The following CRYBG3 variants were observed in gnomAD, a reference collection of about 807,000 sequenced individuals.
CRYBG3 encodes the protein crystallin beta-gamma domain containing 3, also known as very large A-kinase anchor protein.
In CRYBG3, 127 loss-of-function variants were observed where a neutral mutation model predicts 244.2. The observed-to-expected ratio is 0.52, with a 90% CI of 0.45 to 0.60. The LOEUF (loss-of-function observed/expected upper bound fraction) is 0.60, where lower values mean the gene tolerates loss of function less well. Among genes scored for constraint, CRYBG3 ranks in the 20% least tolerant of loss-of-function variants. The probability of loss-of-function intolerance (pLI) is 0.00; values close to 1 mark genes in which losing one functional copy is unlikely to be tolerated. For synonymous variants in CRYBG3, 1,132 were observed against 1,195.8 expected (o/e 0.95, Z 1.10); for missense variants, 3,325 against 3,442.5 (o/e 0.97, Z 0.85).
In CRYBG3 at chr3:97,874,565, C is replaced by G. The variant is rs561244728; in HGVS notation, c.3371C>G (p.Pro1124Arg). The G allele has an allele frequency of 5.1e-5, 79 of 1,535,696 alleles. 2 individuals are homozygous for G. The highest frequency in any genetic ancestry group is 5.1e-4 in the African/African-American group (37 of 73,122). ...TSVSIGTEVT[P>R]FQEHFGIYTG... Reference sequence around the variant, plus strand: ...GTCTCAATTGGGACAGAAGTAACCCCATTTCAGGAACATTTTGGGATTTAT... The same window carrying G: ...GTCTCAATTGGGACAGAAGTAACCCGATTTCAGGAACATTTTGGGATTTAT... Residue 1124 changes from proline to arginine, a missense_variant, in exon 4 of 22, where the codon CCA (proline) becomes CGA (arginine). Pro to Arg is a moderately radical substitution (Grantham distance 103). This residue lies in a region of CRYBG3 where 1,526 missense variants were observed against 1,443.2 expected (regional missense o/e 1.06). Transcript: ENST00000389622.
At chr3:97,943,198 A>G in intron 21 of CRYBG3, 28 bp from the exon 22 acceptor site, 1 of 1,330,432 alleles carries the variant, frequency 7.5e-7, no homozygotes. Flanking sequence ...TGAACAAATA[A>G]TCTTTTCTTT....
rs1024323943 is a variant in CRYBG3 at position 97,874,343 on chromosome 3, T to A, written c.3149T>A (p.Ile1050Asn). The A allele has an allele frequency of 2.8e-5, 43 of 1,526,448 alleles. 1 individual carries two copies. Among genetic ancestry groups the A allele is most frequent in the Non-Finnish European group, 3.6e-5 (41 of 1,144,254 alleles). The allele number at this position is 1,526,448 out of a possible 1,614,324, so 94.6% of individuals were successfully genotyped here. ...KSSSYRKKENIHFLNGGIDSV... is the reference protein window; with the variant it reads ...KSSSYRKKENNHFLNGGIDSV... Reference sequence around the variant, plus strand: ...TCATCTTACAGAAAGAAAGAGAACATCCATTTTTTAAATGGTGGTATTGAT... The same window carrying A: ...TCATCTTACAGAAAGAAAGAGAACAACCATTTTTTAAATGGTGGTATTGAT... Residue 1050 changes from isoleucine to asparagine, a missense_variant, in exon 4 of 22, where the codon ATC becomes AAC. By Grantham distance (149) the Ile-to-Asn change is moderately radical (BLOSUM62 -3). Around this residue, in one of 4 missense-constraint regions of CRYBG3, gnomAD observed 1,526 missense variants for 1,443.2 expected, o/e 1.06. Transcript: ENST00000389622.
rs183352651 is a variant in CRYBG3 at position 97,869,636 on chromosome 3, A to C, written c.648-2206A>C. ...ATGTCAAATAATGGTATCTTATCCAAGTTTTGACTTTGTTTCATAACAGTC... is the reference window on the plus strand; with the variant it reads ...ATGTCAAATAATGGTATCTTATCCACGTTTTGACTTTGTTTCATAACAGTC... On this transcript the variant is annotated intron_variant, in intron 3 of 21. Transcript: ENST00000389622. Among the ~76,000 whole-genome samples, 385 of 152,304 alleles carry C rather than the reference A, an allele frequency of 2.5e-3. 2 individuals carry two copies. Among genetic ancestry groups the C allele is most frequent in the Non-Finnish European group, 2.6e-3 (174 of 67,992 alleles).
intron 1 of CRYBG3, among the ~76,000 whole-genome samples, chr3:97,831,317 A>G (rs2038650830): frequency 6.6e-6 from 1 of 152,184 alleles, no homozygotes. Context: ...TTCTTGTAAT[A>G]TGATTCAGTT....
intron 17 of CRYBG3, among the ~76,000 whole-genome samples, chr3:97,930,209 G>C (rs751749651): frequency 6.6e-6 from 1 of 152,034 alleles, no homozygotes; most frequent in African/African-American, 2.4e-5. Flanking sequence ...TCTGGGGAGA[G>C]TGCTGCTGAT....
intron 2 of CRYBG3, among the ~76,000 whole-genome samples, chr3:97,860,755 G>GT (rs2039134245): frequency 6.6e-6 from 1 of 152,050 alleles, no homozygotes; most frequent in African/African-American, 2.4e-5. Flanking sequence ...ACCTGGTCTG[G>GT]TTTTGACCTC....
At chr3:97,842,116 A>G (rs1188989571) in intron 1 of CRYBG3, among the ~76,000 whole-genome samples, 1 of 152,154 alleles carries the variant, frequency 6.6e-6, no homozygotes. Flanking sequence ...GAGTTTTGCA[A>G]AGAACCTGAC....
At chr3:97,941,005 G>T in intron 19 of CRYBG3, 143 bp from the exon 20 acceptor site, 2 of 613,550 alleles carry the variant, frequency 3.3e-6, no homozygotes, top group Non-Finnish European at 2.8e-6. Flanking sequence ...ATTAATCTAT[G>T]CAGATTTACT....
rs2040307610 is a variant in CRYBG3 at position 97,944,552 on chromosome 3, C to A, written c.*1238C>A. 6.6e-6 allele frequency: 1 copy of A among 152,092 alleles called. No homozygotes were observed. The highest frequency in any genetic ancestry group is 2.4e-5 in the African/African-American group (1 of 41,338). The allele number at this position is 152,092 out of a possible 1,614,324, so 9.4% of individuals were successfully genotyped here. ...CAATGACTATTTTAAACTCGAAGAC[C>A]CACTATTTTGAGTATTTTTTATAGA... On this transcript the variant is annotated 3_prime_UTR_variant, in exon 22 of 22. Transcript: ENST00000389622.
rs1328184673 is a variant in CRYBG3, at chr3:97,893,067, G to A, written c.7574+74G>A. On this transcript the variant is annotated intron_variant, in intron 11 of 21. Coordinates refer to ENST00000389622, the MANE Select transcript of CRYBG3 (RefSeq NM_153605.4). The stretch of plus-strand genomic sequence containing the variant: ...TCAGCACAAAAATGTGCTAAGCAAA[G>A]CAAAAATGATTTGTTTTTAATCTAA... 3.1e-6 allele frequency: 4 copies of A among 1,308,358 alleles called. No individual in the cohort carries two copies. In the African/African-American group the frequency reaches 4.7e-5, roughly 15 times the overall value. 81.0% of individuals were successfully genotyped at this position (1,308,358 alleles called of 1,614,324 possible).
At chr3:97,868,789 C>T (rs2108209430) in intron 3 of CRYBG3, among the ~76,000 whole-genome samples, 1 of 152,138 alleles carries the variant, frequency 6.6e-6, no homozygotes, top group East Asian at 1.9e-4. Flanking sequence ...TGCATTGATG[C>T]AGGATAAAAT....
intron 1 of CRYBG3, among the ~76,000 whole-genome samples, chr3:97,829,068 A>G (rs1440622936): frequency 2.0e-5 from 3 of 152,260 alleles, no homozygotes; most frequent in East Asian, 1.9e-4. Flanking sequence ...TACCTATTTC[A>G]TAAAGTAAGA....
intron 1 of CRYBG3, among the ~76,000 whole-genome samples, chr3:97,832,655 A>G (rs1025190555): frequency 1.3e-5 from 2 of 152,196 alleles, no homozygotes; most frequent in African/African-American, 4.8e-5. Flanking sequence ...GGACATAGAC[A>G]TGGACAAAGA....
intron 3 of CRYBG3, among the ~76,000 whole-genome samples, chr3:97,866,270 A>G (rs1576531486): frequency 6.6e-6 from 1 of 152,188 alleles, no homozygotes; most frequent in African/African-American, 2.4e-5. Context: ...TTGGCAATAT[A>G]TATCAAGAGC....
chr3:97,933,923 C>A, intron 18 of CRYBG3, 90 bp downstream of exon 18: 2 of 1,081,496 alleles, frequency 1.8e-6, no homozygotes, highest in Non-Finnish European at 2.7e-6. Flanking sequence ...TGTAGTAGTA[C>A]GCATTCAAGT....
chr3:97,841,642 AT>A (rs1461079160), intron 1 of CRYBG3, among the ~76,000 whole-genome samples: 1 of 152,028 alleles, frequency 6.6e-6, no homozygotes, highest in African/African-American at 2.4e-5. Context: ...GATCAGAGCT[AT>A]TGATACTTCC....
intron 15 of CRYBG3, among the ~76,000 whole-genome samples, chr3:97,906,292 G>A (rs1484165558): frequency 7.9e-6 from 1 of 126,668 alleles, no homozygotes; most frequent in African/African-American, 2.7e-5. Flanking sequence ...AAAGGCATTG[G>A]TAGCTTGATG....
intron 1 of CRYBG3, among the ~76,000 whole-genome samples, chr3:97,838,117 T>A (rs2038759861): frequency 6.6e-6 from 1 of 152,170 alleles, no homozygotes; most frequent in African/African-American, 2.4e-5. Context: ...GTCTGTGGTA[T>A]GGACTGAAAA....
At chr3:97,842,513 C>A (rs1378652155) in intron 1 of CRYBG3, among the ~76,000 whole-genome samples, 1 of 151,728 alleles carries the variant, frequency 6.6e-6, no homozygotes, top group Non-Finnish European at 1.5e-5. Flanking sequence ...TATGATTGCA[C>A]CACTGCACTC....
Sources: gnomAD v4.1 joint callset for allele counts (sites outside exome capture counted in the v4.1 genomes callset) on GRCh38, gnomAD v4.1.1 for gene constraint, gnomAD v4.1.1 regional missense constraint, MANE v1.5 for transcripts, NCBI Gene and HGNC (gene_info 2026-07-23, HGNC 2026-07-21) for gene names.